Variants in CHD1L observed in about 807,000 individuals in gnomAD.
The protein encoded by CHD1L is ATP-dependent chromatin remodeler CHD1L.
In CHD1L, 118 loss-of-function variants were observed where a neutral mutation model predicts 115.9. That is an observed-to-expected ratio of 1.02 (90% CI 0.88 to 1.19). The LOEUF is 1.19. Ranked by LOEUF, CHD1L falls within the 50% of genes most tolerant of loss-of-function variation. The pLI is 0.00. For synonymous variants in CHD1L, 411 were observed against 387.1 expected (o/e 1.06, Z -0.72); for missense variants, 1,179 against 1,065.3 (o/e 1.11, Z -1.49).
At chr1:147,199,659 C>T in the CHD1L span, among the ~76,000 whole-genome samples, 1 of 152,106 alleles carries the variant, frequency 6.6e-6, no homozygotes, top group African/African-American at 2.4e-5. Flanking sequence ...GTAATTGACC[C>T]AATTAAAAGA....
intron 19 of CHD1L, 41 bp downstream of exon 19, chr1:147,287,774 G>A (rs1683810169): frequency 1.3e-6 from 2 of 1,529,012 alleles, no homozygotes; most frequent in African/African-American, 1.4e-5. Context: ...GGTGGAATAA[G>A]AGAGAAGAGG....
Position 147,291,500 on chromosome 1 carries a change from TC to T in CHD1L, c.2341del (p.Leu781PhefsTer20). On this transcript the variant is annotated frameshift_variant, in exon 20 of 23. Transcript: ENST00000369258. LOFTEE classifies it high-confidence loss of function. ...GKMKDLSLGGVLLFPVDDKES... is the reference protein window; with the variant it reads ...GKMKDLSLGGXLLFPVDDKES... ...ACCTCAGACCTGAGTTTGGGAGGTG[TC>T]CTTTTATTTCCTGTTGATGATAAAG... The T allele has an allele frequency of 6.2e-7, 1 of 1,613,956 alleles. No homozygotes were observed. Among genetic ancestry groups the T allele is most frequent in the Non-Finnish European group, 8.5e-7 (1 of 1,179,884 alleles).
chr1:147,289,373 G>A (rs1684614885), intron 19 of CHD1L, among the ~76,000 whole-genome samples: 2 of 152,158 alleles, frequency 1.3e-5, no homozygotes, highest in African/African-American at 4.8e-5. Flanking sequence ...GGTATTTTGA[G>A]GTACAAGGGA....
the CHD1L span, among the ~76,000 whole-genome samples, chr1:147,211,822 A>G: frequency 2.6e-5 from 4 of 152,242 alleles, no homozygotes; most frequent in Non-Finnish European, 4.4e-5. Context: ...ACCTAACTGT[A>G]TGCAAAGGCC....
the CHD1L span, among the ~76,000 whole-genome samples, chr1:147,191,528 GTTGT>G: frequency 4.2e-5 from 6 of 144,046 alleles, no homozygotes; most frequent in Non-Finnish European, 7.8e-5. Context: ...TTTTGATGGG[GTTGT>G]TTGTTTTTTT....
chr1:147,289,308 A>G (rs1007011200), intron 19 of CHD1L, among the ~76,000 whole-genome samples: 1 of 152,186 alleles, frequency 6.6e-6, no homozygotes, highest in African/African-American at 2.4e-5. Flanking sequence ...GACTTGAGGC[A>G]AGAAGATGGA....
chr1:147,176,370 C>G, the CHD1L span: 1 of 152,178 alleles, frequency 6.6e-6, no homozygotes, highest in Non-Finnish European at 1.5e-5. Flanking sequence ...TAAATTCTAT[C>G]ATGTGATCCT....
chr1:147,212,908 C>CT, the CHD1L span, among the ~76,000 whole-genome samples: 151 of 148,688 alleles, frequency 1.0e-3, no homozygotes, highest in South Asian at 5.1e-3. Flanking sequence ...GTATAGAGTG[C>CT]TTTTTTTTTT....
chr1:147,200,927 G>C, the CHD1L span, among the ~76,000 whole-genome samples: 1 of 152,052 alleles, frequency 6.6e-6, no homozygotes, highest in Admixed American at 6.6e-5. Flanking sequence ...CAGCAAGGAT[G>C]GTGTCAAAGC....
At chr1:147,204,907 G>A in the CHD1L span, 15 of 1,576,254 alleles carry the variant, frequency 9.5e-6, no homozygotes, top group South Asian at 1.1e-4. Context: ...GGCGAAGCCC[G>A]GAGCCTTGGG....
the CHD1L span, chr1:147,225,149 A>G: frequency 1.3e-6 from 2 of 1,557,804 alleles, no homozygotes; most frequent in East Asian, 4.5e-5. Context: ...ATTCGAATAA[A>G]TTCTGTACAA....
At chr1:147,239,275 C>G (rs587698413), upstream of CHD1L, among the ~76,000 whole-genome samples, 1 of 152,326 alleles carries the variant, frequency 6.6e-6, no homozygotes, top group South Asian at 2.1e-4. Context: ...TTAGCCATCT[C>G]TCAGCCGCTG....
intron 2 of CHD1L, among the ~76,000 whole-genome samples, chr1:147,252,965 T>C (rs1321139428): frequency 6.6e-6 from 1 of 152,242 alleles, no homozygotes; most frequent in African/African-American, 2.4e-5. Context: ...ATGCTACTTG[T>C]CCTTTCTTTG....
At chr1:147,225,105 G>A in the CHD1L span, 1 of 1,605,002 alleles carries the variant, frequency 6.2e-7, no homozygotes, top group East Asian at 2.2e-5. Flanking sequence ...GCACACATCG[G>A]TTAACATTTT....
At chr1:147,284,108 G>A (rs1553963575) in intron 15 of CHD1L, among the ~76,000 whole-genome samples, 1 of 152,166 alleles carries the variant, frequency 6.6e-6, no homozygotes, top group African/African-American at 2.4e-5. Context: ...AAACCATCTA[G>A]GGATGAACCA....
chr1:147,287,691 G>C lies in CHD1L; in HGVS notation c.2278G>C (p.Ala760Pro), dbSNP rs782687350. 6.8e-6 allele frequency: 11 copies of C among 1,613,996 alleles called. No homozygotes were observed. The highest frequency in any genetic ancestry group is 9.3e-6 in the Non-Finnish European group (11 of 1,179,986). Residue 760 changes from alanine to proline, a missense_variant, in exon 19 of 23, where the codon GCT (alanine) becomes CCT (proline). Ala to Pro is a conservative substitution (Grantham distance 27). Transcript: ENST00000369258. Reference sequence around the variant, plus strand: ...ATTTACAGCTCTGGAAAAGCGATCCGCTGAGCCAAGAAAAATATATGAGCT... The same window carrying C: ...ATTTACAGCTCTGGAAAAGCGATCCCCTGAGCCAAGAAAAATATATGAGCT... Reference protein sequence around the residue: ...GLFTALEKRSAEPRKIYELAG... With the variant: ...GLFTALEKRSPEPRKIYELAG...
chr1:147,266,040 C>G lies in CHD1L; in HGVS notation c.848C>G (p.Ser283Ter). 1 of 1,613,468 alleles carries G rather than the reference C, an allele frequency of 6.2e-7. No individual in the cohort carries two copies. The highest frequency in any genetic ancestry group is 2.2e-5 in the East Asian group (1 of 44,840). Residue 283 changes from serine to a stop codon, truncating the protein, a stop_gained, in exon 8 of 23, where the codon TCA becomes TGA. Coordinates refer to ENST00000369258, the MANE Select transcript of CHD1L (RefSeq NM_004284.6). LOFTEE classifies it high-confidence loss of function. ...KTEVVIYHGM[S>*]ALQKKYYKAI... ...GAAGTAGTGATATACCATGGCATGT[C>G]AGCATTGCAGAAGAAATACTACAAG...
chr1:147,272,321 G>A (rs1553954022), intron 12 of CHD1L, 40 bp downstream of exon 12: 1 of 1,349,864 alleles, frequency 7.4e-7, no homozygotes, highest in Non-Finnish European at 1.1e-6. Context: ...ACAAATGAGG[G>A]ATAATAGAGT....
At chr1:147,187,005 C>T in the CHD1L span, 1 of 1,614,206 alleles carries the variant, frequency 6.2e-7, no homozygotes, top group Non-Finnish European at 8.5e-7. Context: ...CTCTTGTCAT[C>T]AGAGGCTTCC....
Sources: gnomAD v4.1 joint callset for allele counts (sites outside exome capture counted in the v4.1 genomes callset) on GRCh38, gnomAD v4.1.1 for gene constraint, MANE v1.5 for transcripts, NCBI Gene and HGNC (gene_info 2026-07-23, HGNC 2026-07-21) for gene names.